Variants in KCNH1 observed in about 807,000 individuals in gnomAD.
KCNH1 encodes potassium voltage-gated channel subfamily H member 1, also known as voltage-gated delayed rectifier potassium channel KCNH1.
In KCNH1, 27 loss-of-function variants were observed where a neutral mutation model predicts 69.2. The observed-to-expected ratio is 0.39, with a 90% CI of 0.29 to 0.54. The LOEUF (loss-of-function observed/expected upper bound fraction) is 0.54, where lower values mean the gene tolerates loss of function less well. Among genes scored for constraint, KCNH1 ranks in the 20% least tolerant of loss-of-function variants. KCNH1 has a pLI of 0.68. For missense variants in KCNH1, 798 were observed against 1,261.6 expected (o/e 0.63, Z 5.57); for synonymous variants, 456 against 487.7 (o/e 0.93, Z 0.86).
At chr1:210,769,022 C>T (rs1363957465) in intron 10 of KCNH1, among the ~76,000 whole-genome samples, 1 of 152,112 alleles carries the variant, frequency 6.6e-6, no homozygotes, top group Non-Finnish European at 1.5e-5. Context: ...CTCCTAATTC[C>T]AACACCATGA....
chr1:211,043,731 G>A (rs1238424872), intron 5 of KCNH1, among the ~76,000 whole-genome samples: 3 of 152,102 alleles, frequency 2.0e-5, no homozygotes, highest in African/African-American at 7.2e-5. Context: ...ATATCAAGAA[G>A]ATAATCCACC....
intron 9 of KCNH1, among the ~76,000 whole-genome samples, chr1:210,793,962 T>A (rs1684258837): frequency 6.6e-6 from 1 of 152,178 alleles, no homozygotes; most frequent in Non-Finnish European, 1.5e-5. Context: ...CACTGCTATA[T>A]CCCCACCCCT....
At chr1:210,814,106 T>A (rs1264096439) in intron 7 of KCNH1, among the ~76,000 whole-genome samples, 1 of 151,976 alleles carries the variant, frequency 6.6e-6, no homozygotes, top group Non-Finnish European at 1.5e-5. Flanking sequence ...GTAGTAACAA[T>A]GGGAAGAAAA....
chr1:210,953,886 C>A (rs973604996), intron 6 of KCNH1, among the ~76,000 whole-genome samples: 3 of 152,146 alleles, frequency 2.0e-5, no homozygotes, highest in African/African-American at 7.2e-5. Flanking sequence ...GCCTTCATAA[C>A]TTAGCATAAG....
At chr1:210,962,158 C>T (rs1053146572) in intron 6 of KCNH1, among the ~76,000 whole-genome samples, 2 of 152,186 alleles carry the variant, frequency 1.3e-5, no homozygotes, top group Non-Finnish European at 2.9e-5. Context: ...AGTTCCATCT[C>T]CTTACTCAGG....
At chr1:210,813,953 G>T (rs1304849246) in intron 7 of KCNH1, among the ~76,000 whole-genome samples, 1 of 152,212 alleles carries the variant, frequency 6.6e-6, no homozygotes, top group East Asian at 1.9e-4. Context: ...CTGCCACCAT[G>T]TAAGATGTGC....
chr1:210,752,438 T>A (rs1281497413), intron 10 of KCNH1, among the ~76,000 whole-genome samples: 1 of 152,226 alleles, frequency 6.6e-6, no homozygotes, highest in Non-Finnish European at 1.5e-5. Flanking sequence ...CTGGTTTCTA[T>A]GTAGCTGCGC....
chr1:211,051,084 G>A (rs1042420972), intron 5 of KCNH1, among the ~76,000 whole-genome samples: 10 of 152,002 alleles, frequency 6.6e-5, no homozygotes, highest in South Asian at 2.1e-4. Context: ...TGCAACCCCC[G>A]CCTCCCGGGT....
intron 5 of KCNH1, among the ~76,000 whole-genome samples, chr1:211,054,285 AAAG>A (rs1690263855): frequency 6.6e-6 from 1 of 152,128 alleles, no homozygotes. Flanking sequence ...CCATCTCAAA[AAAG>A]AAAAAAAAAA....
intron 10 of KCNH1, among the ~76,000 whole-genome samples, chr1:210,724,412 G>A (rs1350795867): frequency 6.6e-6 from 1 of 152,076 alleles, no homozygotes; most frequent in Non-Finnish European, 1.5e-5. Flanking sequence ...AGTAGCGTTA[G>A]ATTCCAGGCC....
rs571189239 is a variant in KCNH1, at chr1:210,686,467, A to C, written c.2113-2329T>G. On this transcript the variant is annotated intron_variant, in intron 10 of 10. Coordinates refer to ENST00000271751, the MANE Select transcript of KCNH1 (RefSeq NM_172362.3). ...TGTTCTTCTGTCCTAGTTACTCTCT[A>C]TCTTTTATCTATTTGTAGTAGGGAG... Among the ~76,000 whole-genome samples the C allele has an allele frequency of 2.6e-5, 4 of 152,106 alleles. No individual in the cohort carries two copies. In the East Asian group the frequency reaches 7.7e-4, roughly 29 times the overall value.
At chr1:210,864,759 C>G (rs1686067669) in intron 7 of KCNH1, among the ~76,000 whole-genome samples, 1 of 152,144 alleles carries the variant, frequency 6.6e-6, no homozygotes, top group Non-Finnish European at 1.5e-5. Flanking sequence ...TAGAAAAGGC[C>G]CAGCAGGATG....
chr1:210,860,489 C>T, intron 7 of KCNH1: 4 of 841,094 alleles, frequency 4.8e-6, no homozygotes, highest in Non-Finnish European at 8.4e-6. Context: ...CTACCTTCTT[C>T]ATCTGGCCCT....
At chr1:210,684,352 A>T (rs1681360977) in intron 10 of KCNH1, among the ~76,000 whole-genome samples, 1 of 152,164 alleles carries the variant, frequency 6.6e-6, no homozygotes. Context: ...TTCCAACAGC[A>T]GGGAATTGAC....
At position 210,956,072 on chromosome 1, in the gene KCNH1, G is replaced by A. The variant is rs576650858; in HGVS notation, c.1033-36003C>T. Among the ~76,000 whole-genome samples, 72 of 152,198 alleles carry A rather than the reference G, an allele frequency of 4.7e-4. 1 individual carries two copies. The South Asian group carries it at 0.014, about 29-fold the overall frequency. ...GATAGCTCTTATTATTTTGAGATAC[G>A]TCCCATCAGTACCTAGTTTATTGAG... On this transcript the variant is annotated intron_variant, in intron 6 of 10. Coordinates refer to ENST00000271751, the MANE Select transcript of KCNH1 (RefSeq NM_172362.3).
At chr1:210,841,372 G>A (rs556745558) in intron 7 of KCNH1, among the ~76,000 whole-genome samples, 1 of 152,182 alleles carries the variant, frequency 6.6e-6, no homozygotes, top group Admixed American at 6.5e-5. Context: ...TGAGTTTCTG[G>A]GATCCTCTAC....
chr1:210,956,986 G>A lies in KCNH1; in HGVS notation c.1033-36917C>T, dbSNP rs1395028135. ...GAATTTGTTTGGTCTTGCTTCTGTA[G>A]TTCTTTTAATTGTGATGTTAGGGTG... On this transcript the variant is annotated intron_variant, in intron 6 of 10. Transcript: ENST00000271751. Among the ~76,000 whole-genome samples the A allele has an allele frequency of 2.6e-5, 4 of 152,112 alleles. No homozygotes were observed. In the East Asian group the frequency reaches 7.7e-4, roughly 29 times the overall value.
intron 6 of KCNH1, among the ~76,000 whole-genome samples, chr1:210,979,944 T>C (rs546034838): frequency 3.3e-5 from 5 of 152,360 alleles, no homozygotes; most frequent in African/African-American, 1.2e-4. Context: ...TTAATTGTAA[T>C]ATCTTTAGCT....
At chr1:211,003,412 C>G (rs1228393732) in intron 6 of KCNH1, among the ~76,000 whole-genome samples, 2 of 152,202 alleles carry the variant, frequency 1.3e-5, no homozygotes, top group Non-Finnish European at 2.9e-5. Flanking sequence ...CACACTATCT[C>G]TCTGCTTCTA....
Sources: allele counts gnomAD v4.1 joint callset (sites outside exome capture counted in the v4.1 genomes callset), GRCh38; gene constraint gnomAD v4.1.1; transcripts MANE v1.5; gene names NCBI Gene and HGNC (gene_info 2026-07-23, HGNC 2026-07-21).